Variants in DOCK5 observed in about 807,000 individuals in gnomAD.
The protein encoded by DOCK5 is dedicator of cytokinesis protein 5.
DOCK5 carries 142 observed loss-of-function variants against 251.8 expected under a neutral mutation model. That is an observed-to-expected ratio of 0.56 (90% confidence interval 0.49 to 0.65). DOCK5 has a LOEUF of 0.65. DOCK5 is among the 30% of genes least tolerant of loss of function. The probability of loss-of-function intolerance (pLI) is 0.00; values close to 1 mark genes in which losing one functional copy is unlikely to be tolerated. For missense variants in DOCK5, 2,111 were observed against 2,312.3 expected (o/e 0.91, Z 1.79); for synonymous variants, 842 against 835.5 (o/e 1.01, Z -0.13).
rs768216505 is a variant in DOCK5 at position 25,413,871 on chromosome 8, G to C, written c.*2573G>C. ...ATTTTTTAGGGAAGGTGTTGGGTAG[G>C]AAGAGTCACATTTGACAGAATTCAT... is the stretch of plus-strand genomic sequence containing the variant. On this transcript the variant is annotated 3_prime_UTR_variant, in exon 52 of 52. Transcript: ENST00000276440. 1 of 152,190 alleles carries C rather than the reference G, an allele frequency of 6.6e-6. No individual in the cohort carries two copies. Among genetic ancestry groups the C allele is most frequent in the Non-Finnish European group, 1.5e-5 (1 of 68,046 alleles). The allele number at this position is 152,190 out of a possible 1,614,324, so 9.4% of individuals were successfully genotyped here.
Position 25,380,308 on chromosome 8 carries a change from T to G in DOCK5, c.3940T>G (p.Trp1314Gly). ...CCTTACTTTCCTTTTTCTGAAGATG[T>G]GGGAGAAGGCCATCAAGCTGAGCAA... ...IISYFDKGKMWEKAIKLSKEL... is the reference protein window; with the variant it reads ...IISYFDKGKMGEKAIKLSKEL... The change falls in exon 39 of 52, where the codon TGG becomes GGG. Residue 1314 changes from tryptophan to glycine, a missense_variant. Coordinates refer to ENST00000276440, the MANE Select transcript of DOCK5 (RefSeq NM_024940.8). 1 of 1,610,150 alleles carries G rather than the reference T, an allele frequency of 6.2e-7. No individual in the cohort carries two copies. The highest frequency in any genetic ancestry group is 8.5e-7 in the Non-Finnish European group (1 of 1,178,104).
At chr8:25,342,589 A>G in intron 25 of DOCK5, 82 bp downstream of exon 25, 67 of 1,038,184 alleles carry the variant, frequency 6.5e-5, no homozygotes, top group South Asian at 2.0e-4. Context: ...GTGACAGAAC[A>G]AGACTCCATC....
At chr8:25,408,529 C>G (rs1223868993) in intron 49 of DOCK5, among the ~76,000 whole-genome samples, 1 of 152,116 alleles carries the variant, frequency 6.6e-6, no homozygotes, top group African/African-American at 2.4e-5. Flanking sequence ...CCACCTTTTC[C>G]TGAGAATCAG....
At chr8:25,273,208 A>G (rs1302437261) in intron 3 of DOCK5, among the ~76,000 whole-genome samples, 1 of 152,170 alleles carries the variant, frequency 6.6e-6, no homozygotes, top group African/African-American at 2.4e-5. Flanking sequence ...TTTGAACTGA[A>G]CACCCTCCTT....
At chr8:25,215,946 CA>C in intron 1 of DOCK5, among the ~76,000 whole-genome samples, 1 of 150,376 alleles carries the variant, frequency 6.6e-6, no homozygotes, top group African/African-American at 2.5e-5. Flanking sequence ...CACACACACA[CA>C]CACACACACA....
At chr8:25,331,819 G>T (rs879609008) in intron 18 of DOCK5, among the ~76,000 whole-genome samples, 7,330 of 147,896 alleles carry the variant, frequency 0.05, 254 homozygotes, top group Non-Finnish European at 0.071. Flanking sequence ...GAGAGAGAGA[G>T]AGAGAGAGAG....
chr8:25,300,847 A>G (rs997090141), intron 9 of DOCK5, among the ~76,000 whole-genome samples, 190 bp downstream of exon 9: 2 of 117,442 alleles, frequency 1.7e-5, no homozygotes, highest in Non-Finnish European at 3.9e-5. Flanking sequence ...CTTGAGATAC[A>G]TCCGTGAAAA....
At chr8:25,241,430 A>G (rs1297183876) in intron 1 of DOCK5, among the ~76,000 whole-genome samples, 3 of 152,014 alleles carry the variant, frequency 2.0e-5, no homozygotes, top group African/African-American at 7.2e-5. Context: ...GTGAGCCAAG[A>G]TCACTCCACT....
intron 1 of DOCK5, among the ~76,000 whole-genome samples, chr8:25,207,752 G>A (rs1002788419): frequency 2.0e-5 from 3 of 152,218 alleles, no homozygotes; most frequent in African/African-American, 7.2e-5. Flanking sequence ...TGGACAAGGA[G>A]ATTAATGTTT....
At position 25,245,932 on chromosome 8, in the gene DOCK5, C is replaced by G. The variant is rs28602356; in HGVS notation, c.127+2175C>G. Among the ~76,000 whole-genome samples the G allele has an allele frequency of 1.8e-3, 279 of 152,250 alleles. 1 individual carries two copies. The highest frequency in any genetic ancestry group is 0.01 in the Middle Eastern group (3 of 294). ...CTTTTTTTTCCTGCTTTCTCTGTTACTGATAGAACTGTGTTAACTCTTCCA... is the reference window on the plus strand; with the variant it reads ...CTTTTTTTTCCTGCTTTCTCTGTTAGTGATAGAACTGTGTTAACTCTTCCA... On this transcript the variant is annotated intron_variant, in intron 2 of 51. Transcript: ENST00000276440.
chr8:25,393,892 A>G (rs933386979), intron 44 of DOCK5, among the ~76,000 whole-genome samples: 4 of 152,242 alleles, frequency 2.6e-5, no homozygotes, highest in African/African-American at 9.6e-5. Context: ...GTAGGTGTTC[A>G]AGAAATGTTT....
chr8:25,279,487 G>A (rs939145379), intron 5 of DOCK5, among the ~76,000 whole-genome samples: 6 of 149,670 alleles, frequency 4.0e-5, no homozygotes, highest in African/African-American at 7.4e-5. Context: ...TTTTTTTTGA[G>A]ACGGAGTCTC....
chr8:25,362,857 A>T (rs1019792201), intron 28 of DOCK5, among the ~76,000 whole-genome samples, 190 bp from the exon 29 acceptor site: 9 of 152,148 alleles, frequency 5.9e-5, no homozygotes, highest in African/African-American at 2.2e-4. Context: ...GTCCTACAAT[A>T]TAAAAATCAA....
At chr8:25,294,004 AAATT>A (rs201906221) in intron 6 of DOCK5, among the ~76,000 whole-genome samples, 1,839 of 152,216 alleles carry the variant, frequency 0.012, 16 homozygotes, top group Non-Finnish European at 0.018. Context: ...AATCCCTCTC[AAATT>A]AATTAATTAA....
At chr8:25,368,336 G>T (rs1800814894) in intron 32 of DOCK5, 86 bp downstream of exon 32, 2 of 1,313,940 alleles carry the variant, frequency 1.5e-6, no homozygotes, top group African/African-American at 1.5e-5. Flanking sequence ...TTTTAATCCA[G>T]ATAACCCTGA....
chr8:25,300,009 G>A (rs772783932), intron 8 of DOCK5, among the ~76,000 whole-genome samples: 13 of 152,100 alleles, frequency 8.5e-5, no homozygotes, highest in African/African-American at 3.1e-4. Context: ...GGGTCCAAGC[G>A]ATTCTCCTGC....
chr8:25,368,219 CT>C lies in DOCK5; in HGVS notation c.3255del (p.Phe1085LeufsTer30). ...ATGGGGACATGAGAAAGGAAATCGG[CT>C]TTAGAATCCGGGACATGTGGTATAA... The part of the protein sequence containing the change: ...KYGDMRKEIG[F>X]RIRDMWYNLG... On this transcript the variant is annotated frameshift_variant, in exon 32 of 52. Coordinates refer to ENST00000276440, the MANE Select transcript of DOCK5 (RefSeq NM_024940.8). LOFTEE classifies it high-confidence loss of function. The C allele has an allele frequency of 6.2e-7, 1 of 1,612,704 alleles. No individual in the cohort carries two copies. Among genetic ancestry groups the C allele is most frequent in the Non-Finnish European group, 8.5e-7 (1 of 1,179,322 alleles).
chr8:25,325,333 C>G, intron 17 of DOCK5, 31 bp from the exon 18 acceptor site: 1 of 1,601,802 alleles, frequency 6.2e-7, no homozygotes, highest in Non-Finnish European at 8.5e-7. Context: ...TTTTGGCCAT[C>G]ATTTGGTGTT....
intron 31 of DOCK5, 82 bp from the exon 32 acceptor site, chr8:25,368,110 T>A (rs996798788): frequency 1.8e-6 from 2 of 1,104,446 alleles, no homozygotes; most frequent in Admixed American, 2.0e-5. Flanking sequence ...AGACACAGAC[T>A]GTTTTTACTT....
Sources: allele counts gnomAD v4.1 joint callset (sites outside exome capture counted in the v4.1 genomes callset), GRCh38; gene constraint gnomAD v4.1.1; transcripts MANE v1.5; gene names NCBI Gene and HGNC (gene_info 2026-07-23, HGNC 2026-07-21).